Variants in SCN8A observed in about 807,000 individuals in gnomAD.
SCN8A encodes sodium voltage-gated channel alpha subunit 8.
A neutral mutation model predicts 184.1 loss-of-function variants in SCN8A; 30 were observed. The observed-to-expected ratio is 0.16, with a 90% CI of 0.12 to 0.22. SCN8A has a LOEUF of 0.22. Among genes scored for constraint, SCN8A ranks in the 10% least tolerant of loss-of-function variants. SCN8A has a pLI of 1.00. For missense variants in SCN8A, 1,057 were observed against 2,498.9 expected (o/e 0.42, Z 12.30); for synonymous variants, 852 against 907.0 (o/e 0.94, Z 1.09).
chr12:51,712,378 C>T (rs1318611365), intron 11 of SCN8A: 13 of 682,060 alleles, frequency 1.9e-5, no homozygotes, highest in East Asian at 1.5e-4. Flanking sequence ...GCATTTGGGA[C>T]GACTGTCTCA....
At chr12:51,672,276 G>C (rs1941146026) in intron 2 of SCN8A, among the ~76,000 whole-genome samples, 1 of 152,154 alleles carries the variant, frequency 6.6e-6, no homozygotes, top group South Asian at 2.1e-4. Context: ...AAGCCTGACT[G>C]CATCCTCACC....
At chr12:51,763,821 A>G (rs909988405) in intron 15 of SCN8A, among the ~76,000 whole-genome samples, 10 of 152,182 alleles carry the variant, frequency 6.6e-5, no homozygotes, top group Non-Finnish European at 1.0e-4. Flanking sequence ...TTCACTCCCT[A>G]TTGGGAAGAT....
intron 2 of SCN8A, among the ~76,000 whole-genome samples, chr12:51,680,304 C>T (rs1941308164): frequency 6.6e-6 from 1 of 152,284 alleles, no homozygotes; most frequent in South Asian, 2.1e-4. Flanking sequence ...TTCTATTTCA[C>T]ACATCAAATG....
At chr12:51,754,971 C>A (rs1184912614) in intron 14 of SCN8A, among the ~76,000 whole-genome samples, 1 of 152,146 alleles carries the variant, frequency 6.6e-6, no homozygotes, top group Non-Finnish European at 1.5e-5. Flanking sequence ...ACGCTTTTTC[C>A]ATTTACAGTA....
intron 2 of SCN8A, among the ~76,000 whole-genome samples, chr12:51,682,778 C>T (rs942867072): frequency 6.6e-6 from 1 of 152,166 alleles, no homozygotes; most frequent in African/African-American, 2.4e-5. Flanking sequence ...GGCCTGTCTC[C>T]TTAGGAACTT....
rs368200318 is a variant in SCN8A at position 51,694,764 on chromosome 12, C to T, written c.707-4806C>T. 3.9e-5 allele frequency among the ~76,000 whole-genome samples: 6 copies of T among 152,314 alleles called. No homozygotes were observed. In the East Asian group the frequency reaches 5.8e-4, roughly 15 times the overall value. On this transcript the variant is annotated intron_variant, in intron 6 of 26. Transcript: ENST00000627620. The stretch of plus-strand genomic sequence containing the variant: ...GTATAGCCAGAATGATGGCATTCTA[C>T]ATTCTGGCTTGTGTCAGGTCAGGAA...
At chr12:51,667,225 CAG>C (rs1366143993) in intron 2 of SCN8A, among the ~76,000 whole-genome samples, 1 of 152,124 alleles carries the variant, frequency 6.6e-6, no homozygotes, top group Admixed American at 6.5e-5. Flanking sequence ...TAGTATCTTC[CAG>C]AGTTTCTTTA....
intron 5 of SCN8A, among the ~76,000 whole-genome samples, chr12:51,688,421 G>T (rs1234146552): frequency 6.6e-6 from 1 of 152,096 alleles, no homozygotes; most frequent in African/African-American, 2.4e-5. Flanking sequence ...TTAAGAAATT[G>T]TTCGCAAAAC....
intron 22 of SCN8A, among the ~76,000 whole-genome samples, chr12:51,787,547 C>G (rs1938120073): frequency 6.6e-6 from 1 of 152,202 alleles, no homozygotes; most frequent in Non-Finnish European, 1.5e-5. Flanking sequence ...CTCTGATTCT[C>G]TGTTTCTTCA....
chr12:51,693,768 AGTT>A (rs1301864011), intron 6 of SCN8A, among the ~76,000 whole-genome samples: 1 of 152,150 alleles, frequency 6.6e-6, no homozygotes, highest in Non-Finnish European at 1.5e-5. Context: ...GGAACAGGGC[AGTT>A]GTTCTTTCCC....
intron 21 of SCN8A, 97 bp from the exon 22 acceptor site, chr12:51,786,445 A>G: frequency 7.5e-7 from 1 of 1,338,740 alleles, no homozygotes; most frequent in Non-Finnish European, 1.0e-6. Flanking sequence ...GTTTCCATAC[A>G]GAACAAGCCA....
At position 51,765,538 on chromosome 12, in the gene SCN8A, T is replaced by G. The variant is rs1393596948; in HGVS notation, c.2545-133T>G. ...TTTAGTCTGAGACACTGTTAGACAG[T>G]CCTGGGAATTTTCCAAGGGTGCTCA... is the stretch of plus-strand genomic sequence containing the variant. On this transcript the variant is annotated intron_variant, in intron 15 of 26. Coordinates refer to ENST00000627620, the MANE Select transcript of SCN8A (RefSeq NM_001330260.2). The G allele has an allele frequency of 8.1e-6, 5 of 613,676 alleles. No homozygotes were observed. In the Admixed American group the frequency reaches 1.5e-4, roughly 19 times the overall value. 38.0% of individuals were successfully genotyped at this position (613,676 alleles called of 1,614,324 possible).
chr12:51,637,962 G>A (rs1940355426), intron 1 of SCN8A, among the ~76,000 whole-genome samples: 1 of 152,098 alleles, frequency 6.6e-6, no homozygotes, highest in Non-Finnish European at 1.5e-5. Context: ...TAATGCAGCT[G>A]GTGACTTTAA....
Position 51,688,761 on chromosome 12 carries a change from T to A in SCN8A, c.615-244T>A, listed in dbSNP as rs1490133991. On this transcript the variant is annotated intron_variant, in intron 5 of 26. Transcript: ENST00000627620. ...TAACTTTGGTTTGATTCTGCAGGTA[T>A]ATAACAGAGTTTGTAAACCTAGGCA... The A allele has an allele frequency of 9.3e-6, 15 of 1,612,952 alleles. No homozygotes were observed. The highest frequency in any genetic ancestry group is 1.3e-5 in the Non-Finnish European group (15 of 1,178,920).
chr12:51,673,796 C>T (rs1941174702), intron 2 of SCN8A, among the ~76,000 whole-genome samples: 1 of 152,084 alleles, frequency 6.6e-6, no homozygotes, highest in Admixed American at 6.5e-5. Flanking sequence ...ATGTAAACCT[C>T]AATAACAATA....
intron 1 of SCN8A, among the ~76,000 whole-genome samples, chr12:51,638,130 T>C (rs1940359600): frequency 6.6e-6 from 1 of 152,104 alleles, no homozygotes; most frequent in African/African-American, 2.4e-5. Context: ...TGAGACCTAC[T>C]GCTCAGAAAA....
chr12:51,721,681 G>A lies in SCN8A; in HGVS notation c.1771G>A (p.Val591Met). The change falls in exon 12 of 27, where the codon GTG becomes ATG. Residue 591 changes from valine to methionine, a missense_variant. Val to Met is a conservative substitution (Grantham distance 21). Around this residue, in one of 19 missense-constraint regions of SCN8A, gnomAD observed 322 missense variants for 390.1 expected, o/e 0.83. Transcript: ENST00000627620. Reference sequence around the variant, plus strand: ...GTTCGCGGATGACGAGCACAGCACGGTGGAGGAGAGCGAGGGCCGCCGGGA... The same window carrying A: ...GTTCGCGGATGACGAGCACAGCACGATGGAGGAGAGCGAGGGCCGCCGGGA... ...NEFADDEHST[V>M]EESEGRRDSL... 2 of 1,597,350 alleles carry A rather than the reference G, an allele frequency of 1.3e-6. No individual in the cohort carries two copies. The highest frequency in any genetic ancestry group is 1.7e-6 in the Non-Finnish European group (2 of 1,172,012).
At chr12:51,670,121 T>C (rs950251133) in intron 2 of SCN8A, among the ~76,000 whole-genome samples, 17 of 152,208 alleles carry the variant, frequency 1.1e-4, no homozygotes, top group Non-Finnish European at 1.6e-4. Flanking sequence ...TTTGAGACAC[T>C]GGGAGGTGGG....
At chr12:51,753,335 G>A (rs1942624477) in intron 14 of SCN8A, among the ~76,000 whole-genome samples, 1 of 152,094 alleles carries the variant, frequency 6.6e-6, no homozygotes, top group Non-Finnish European at 1.5e-5. Flanking sequence ...TAGATGTGAG[G>A]GTAAAAGGAA....
Sources: allele counts gnomAD v4.1 joint callset (sites outside exome capture counted in the v4.1 genomes callset), GRCh38; gene constraint gnomAD v4.1.1; regional missense constraint gnomAD v4.1.1; transcripts MANE v1.5; gene names NCBI Gene and HGNC (gene_info 2026-07-23, HGNC 2026-07-21).